The following GYS2 variants were observed in gnomAD, a reference collection of about 807,000 sequenced individuals.
GYS2 encodes glycogen [starch] synthase, liver.
A neutral mutation model predicts 85.6 loss-of-function variants in GYS2; 80 were observed. The ratio of observed to expected loss-of-function variants is 0.93; its 90% CI spans 0.78 to 1.13. GYS2 has a LOEUF of 1.13. Ranked by LOEUF, GYS2 falls within the 50% of genes most tolerant of loss-of-function variation. GYS2 has a pLI of 0.00. For missense variants in GYS2, 881 were observed against 854.9 expected (o/e 1.03, Z -0.38); for synonymous variants, 328 against 300.7 (o/e 1.09, Z -0.94).
chr12:21,579,355 T>C (rs973344068), intron 2 of GYS2, among the ~76,000 whole-genome samples: 12 of 147,292 alleles, frequency 8.1e-5, no homozygotes, highest in African/African-American at 2.5e-4. Context: ...TCTTCTTTTT[T>C]TTTTTTTTTT....
chr12:21,571,797 C>T (rs982393867), intron 4 of GYS2, among the ~76,000 whole-genome samples: 2 of 152,094 alleles, frequency 1.3e-5, no homozygotes, highest in Admixed American at 6.5e-5. Context: ...CTCGTCTCTA[C>T]TAAAAATACA....
chr12:21,597,795 A>G (rs1944713019), intron 1 of GYS2, among the ~76,000 whole-genome samples: 1 of 152,200 alleles, frequency 6.6e-6, no homozygotes, highest in South Asian at 2.1e-4. Flanking sequence ...TATGGAATCA[A>G]CCTAAGTGTC....
intron 2 of GYS2, among the ~76,000 whole-genome samples, chr12:21,577,313 A>G (rs1944457734): frequency 6.6e-6 from 1 of 152,200 alleles, no homozygotes; most frequent in South Asian, 2.1e-4. Flanking sequence ...TGACTGCCTA[A>G]TATGTGCCAC....
chr12:21,584,275 A>T (rs762320736), intron 1 of GYS2, among the ~76,000 whole-genome samples: 1 of 152,232 alleles, frequency 6.6e-6, no homozygotes, highest in Non-Finnish European at 1.5e-5. Flanking sequence ...TGGAAAAAGC[A>T]TGACTGGAAA....
downstream of GYS2, among the ~76,000 whole-genome samples, chr12:21,535,610 T>C (rs1943903256): frequency 6.6e-6 from 1 of 152,236 alleles, no homozygotes; most frequent in Non-Finnish European, 1.5e-5. Flanking sequence ...TTTTTCTAGC[T>C]ACTGCAGCAA....
At chr12:21,544,195 C>T (rs771272820) in intron 12 of GYS2, among the ~76,000 whole-genome samples, 1 of 152,136 alleles carries the variant, frequency 6.6e-6, no homozygotes, top group East Asian at 1.9e-4. Context: ...CACCAGAAGT[C>T]GCATTCTTCC....
chr12:21,574,057 G>T, intron 4 of GYS2, 87 bp downstream of exon 4: 5 of 1,072,718 alleles, frequency 4.7e-6, no homozygotes, highest in Non-Finnish European at 7.2e-6. Context: ...CTGGTTGGCA[G>T]ATGAAATGTA....
Position 21,540,394 on chromosome 12 carries a change from A to G in GYS2, c.1809+16T>C. 6.8e-6 allele frequency: 11 copies of G among 1,611,098 alleles called. No individual in the cohort carries two copies. Among genetic ancestry groups the G allele is most frequent in the Non-Finnish European group, 6.8e-6 (8 of 1,177,240 alleles). ...ATTTTTTAAGTGGTCTGCTGTGTTTATCTAAACTTGCTTACTCTGCCTAAG... is the reference window on the plus strand; with the variant it reads ...ATTTTTTAAGTGGTCTGCTGTGTTTGTCTAAACTTGCTTACTCTGCCTAAG... On this transcript the variant is annotated intron_variant, in intron 14 of 15. Transcript: ENST00000261195.
At position 21,562,305 on chromosome 12, in the gene GYS2, G is replaced by C. The variant is rs188058553; in HGVS notation, c.1062+613C>G. On this transcript the variant is annotated intron_variant, in intron 7 of 15. Transcript: ENST00000261195. ...GTGGCTGGGGAGGTGAGTGAACCGA[G>C]TGTGTATGTGTCTGCCCTGTTCTAT... Among the ~76,000 whole-genome samples the C allele has an allele frequency of 2.8e-4, 42 of 152,264 alleles. No individual in the cohort carries two copies. In the East Asian group the frequency reaches 7.5e-3, roughly 27 times the overall value.
rs575871218 is a variant in GYS2 at position 21,542,193 on chromosome 12, G to A, written c.1645+303C>T. Reference sequence around the variant, plus strand: ...CTCTGGAGTAGCTGGAATTACAGGCGTGCACCACCATACTTGGCTAATTTT... The same window carrying A: ...CTCTGGAGTAGCTGGAATTACAGGCATGCACCACCATACTTGGCTAATTTT... On this transcript the variant is annotated intron_variant, in intron 13 of 15. Transcript: ENST00000261195. 4.6e-5 allele frequency among the ~76,000 whole-genome samples: 7 copies of A among 151,920 alleles called. No homozygotes were observed. The East Asian group carries it at 5.8e-4, about 13-fold the overall frequency.
At chr12:21,574,949 T>G (rs1290283093) in intron 3 of GYS2, among the ~76,000 whole-genome samples, 1 of 152,060 alleles carries the variant, frequency 6.6e-6, no homozygotes, top group African/African-American at 2.4e-5. Context: ...ACAATATCAT[T>G]TTTTTCTAAT....
At chr12:21,569,391 CAAAGTTGACATT>C (rs1043506181) in intron 4 of GYS2, among the ~76,000 whole-genome samples, 2 of 152,104 alleles carry the variant, frequency 1.3e-5, no homozygotes, top group Non-Finnish European at 2.9e-5. Flanking sequence ...AACAATGAAA[CAAAGTTGACATT>C]AAAGTTGACA....
chr12:21,580,542 T>A lies in GYS2; in HGVS notation c.122-19A>T. 1 of 1,595,646 alleles carries A rather than the reference T, an allele frequency of 6.3e-7. No homozygotes were observed. Among genetic ancestry groups the A allele is most frequent in the Non-Finnish European group, 8.6e-7 (1 of 1,164,882 alleles). ...CCTCCAACTGTTAAAAGGAAAAAAGTTTCTATTATCATTCAGGTTAGCAAT... is the reference window on the plus strand; with the variant it reads ...CCTCCAACTGTTAAAAGGAAAAAAGATTCTATTATCATTCAGGTTAGCAAT... On this transcript the variant is annotated intron_variant, in intron 1 of 15. Coordinates refer to ENST00000261195, the MANE Select transcript of GYS2 (RefSeq NM_021957.4).
Position 21,578,016 on chromosome 12 carries a change from A to T in GYS2, c.304-1959T>A, listed in dbSNP as rs1438871278. ...ATGGACTTAAAAGACTTTCATGTCCACCTGATTTCAGCTACTCAGGATCAT... is the reference window on the plus strand; with the variant it reads ...ATGGACTTAAAAGACTTTCATGTCCTCCTGATTTCAGCTACTCAGGATCAT... On this transcript the variant is annotated intron_variant, in intron 2 of 15. Coordinates refer to ENST00000261195, the MANE Select transcript of GYS2 (RefSeq NM_021957.4). Among the ~76,000 whole-genome samples, 4 of 152,124 alleles carry T rather than the reference A, an allele frequency of 2.6e-5. No homozygotes were observed. In the East Asian group the frequency reaches 7.7e-4, roughly 29 times the overall value.
At chr12:21,603,179 TA>T (rs1432121965) in intron 1 of GYS2, among the ~76,000 whole-genome samples, 1 of 152,040 alleles carries the variant, frequency 6.6e-6, no homozygotes, top group Non-Finnish European at 1.5e-5. Flanking sequence ...CAAAATAATT[TA>T]AAAAGAAACA....
In GYS2 at chr12:21,558,183, T is replaced by C. The variant is rs774838940; in HGVS notation, c.1422+17A>G. ...TTAAGTAAGTTTAAAGTTCGCCACA[T>C]GAACAATTTGTTCTACCTTGACTCT... On this transcript the variant is annotated intron_variant, in intron 11 of 15. Coordinates refer to ENST00000261195, the MANE Select transcript of GYS2 (RefSeq NM_021957.4). The C allele has an allele frequency of 7.7e-6, 11 of 1,432,414 alleles. No homozygotes were observed. The allele number at this position is 1,432,414 out of a possible 1,614,324, so 88.7% of individuals were successfully genotyped here.
At chr12:21,554,643 A>G (rs1243803408) in intron 11 of GYS2, among the ~76,000 whole-genome samples, 1 of 152,166 alleles carries the variant, frequency 6.6e-6, no homozygotes, top group Non-Finnish European at 1.5e-5. Flanking sequence ...TAAGGAAACA[A>G]CCGTTCCTGT....
intron 11 of GYS2, among the ~76,000 whole-genome samples, chr12:21,552,559 G>A (rs1219509415): frequency 6.6e-6 from 1 of 152,166 alleles, no homozygotes; most frequent in African/African-American, 2.4e-5. Context: ...CTGCATTGAT[G>A]GGAGTTTCTC....
At position 21,574,180 on chromosome 12, in the gene GYS2, A is replaced by G; in HGVS notation, c.642T>C (p.Cys214=). Reference sequence around the variant, plus strand: ...GGTTGTAGAAATCAATATTTGCTGCACAGAGATACCTCCCAAGTAGTGTAG... The same window carrying G: ...GGTTGTAGAAATCAATATTTGCTGCGCAGAGATACCTCCCAAGTAGTGTAG... The part of the protein sequence containing the change: ...THATLLGRYL[C]AANIDFYNHL... Residue 214 remains cysteine (C), a synonymous_variant, in exon 4 of 16, where the codon TGT becomes TGC. Coordinates refer to ENST00000261195, the MANE Select transcript of GYS2 (RefSeq NM_021957.4). The G allele has an allele frequency of 6.2e-7, 1 of 1,613,604 alleles. No homozygotes were observed. Among genetic ancestry groups the G allele is most frequent in the Non-Finnish European group, 8.5e-7 (1 of 1,179,496 alleles).
Sources: allele counts gnomAD v4.1 joint callset (sites outside exome capture counted in the v4.1 genomes callset), GRCh38; gene constraint gnomAD v4.1.1; transcripts MANE v1.5; gene names NCBI Gene and HGNC (gene_info 2026-07-23, HGNC 2026-07-21).